Variants in ADORA1 observed in about 807,000 individuals in gnomAD.
The protein encoded by ADORA1 is adenosine A1 receptor.
In ADORA1, 6 loss-of-function variants were observed where a neutral mutation model predicts 19.9. That is an observed-to-expected ratio of 0.30 (90% CI 0.17 to 0.59). ADORA1 has a LOEUF of 0.59. Ranked by LOEUF, ADORA1 falls within the 20% of genes least tolerant of loss-of-function variation. ADORA1 has a pLI of 0.87. For missense variants in ADORA1, 302 were observed against 439.2 expected (o/e 0.69, Z 2.79); for synonymous variants, 194 against 188.4 (o/e 1.03, Z -0.24).
intron 3 of ADORA1, among the ~76,000 whole-genome samples, chr1:203,130,673 C>T (rs1398565022): frequency 1.3e-5 from 2 of 152,228 alleles, no homozygotes; most frequent in Non-Finnish European, 2.9e-5. Flanking sequence ...GAAGTGTTGC[C>T]ACATTTGGAA....
At chr1:203,133,168 C>T (rs1406729714) in intron 3 of ADORA1, among the ~76,000 whole-genome samples, 1 of 149,570 alleles carries the variant, frequency 6.7e-6, no homozygotes, top group African/African-American at 2.5e-5. Context: ...GGCTGGAGTG[C>T]AGTGGCACAA....
At position 203,128,962 on chromosome 1, in the gene ADORA1, CG is replaced by C; in HGVS notation, c.124del (p.Asp42MetfsTer78). Reference sequence around the variant, plus strand: ...GGCGGTGAAGGTGAACCAGGCGCTGCGGGATGCCACCTTCTGCTTCATCGTG... The same window carrying C: ...GGCGGTGAAGGTGAACCAGGCGCTGCGGATGCCACCTTCTGCTTCATCGTG... ...IWAVKVNQALRDATFCFIVSL... is the reference protein window; with the variant it reads ...IWAVKVNQALXDATFCFIVSL... On this transcript the variant is annotated frameshift_variant, in exon 3 of 4. Transcript: ENST00000337894. LOFTEE classifies it high-confidence loss of function. The surrounding 1 kb of genome is among the most constrained non-coding windows in gnomAD (Gnocchi z 5.9). The C allele has an allele frequency of 6.2e-7, 1 of 1,614,156 alleles. No individual in the cohort carries two copies. The highest frequency in any genetic ancestry group is 1.1e-5 in the South Asian group (1 of 91,088).
chr1:203,157,038 C>T (rs1655218466), intron 3 of ADORA1, among the ~76,000 whole-genome samples: 1 of 152,238 alleles, frequency 6.6e-6, no homozygotes, highest in Non-Finnish European at 1.5e-5. Flanking sequence ...TGGCATTCTG[C>T]CCTGGCCTTC....
chr1:203,135,908 A>G (rs1421542811), intron 3 of ADORA1, among the ~76,000 whole-genome samples: 1 of 151,984 alleles, frequency 6.6e-6, no homozygotes, highest in East Asian at 1.9e-4. Context: ...TCTTTAGCCC[A>G]CTTCCCCTTC....
At chr1:203,153,317 G>A (rs1181369060) in intron 3 of ADORA1, among the ~76,000 whole-genome samples, 1 of 152,168 alleles carries the variant, frequency 6.6e-6, no homozygotes, top group Non-Finnish European at 1.5e-5. Flanking sequence ...TTCTGCTCAC[G>A]TCCAGCGCTC....
chr1:203,144,428 T>C (rs535567506), intron 3 of ADORA1, among the ~76,000 whole-genome samples: 33 of 152,344 alleles, frequency 2.2e-4, no homozygotes, highest in Non-Finnish European at 4.0e-4. Context: ...CTAAATACTT[T>C]ATGTGGATTA....
intron 3 of ADORA1, among the ~76,000 whole-genome samples, chr1:203,164,488 A>G (rs1655469591): frequency 1.3e-5 from 2 of 152,222 alleles, no homozygotes; most frequent in African/African-American, 4.8e-5. Context: ...TGCTCAGTGA[A>G]TATCAGTTTT....
intron 3 of ADORA1, among the ~76,000 whole-genome samples, chr1:203,131,138 G>T (rs1195339798): frequency 2.0e-5 from 3 of 152,210 alleles, no homozygotes; most frequent in Non-Finnish European, 2.9e-5. Flanking sequence ...GCCATAGGGA[G>T]GTCTTATTTG....
intron 3 of ADORA1, chr1:203,150,599 G>C (rs1165213382): frequency 3.9e-6 from 5 of 1,284,850 alleles, no homozygotes; most frequent in Non-Finnish European, 5.1e-6. Flanking sequence ...AGAAAGGCCA[G>C]GATCGGGGAG....
chr1:203,129,432 C>A (rs1654263626), intron 3 of ADORA1, among the ~76,000 whole-genome samples: 1 of 152,192 alleles, frequency 6.6e-6, no homozygotes. Context: ...GAAGCTCTTG[C>A]AGCCAGGGAA....
intron 3 of ADORA1, chr1:203,150,035 T>C (rs1458384592): frequency 1.3e-5 from 2 of 152,384 alleles, no homozygotes; most frequent in African/African-American, 4.8e-5. Flanking sequence ...GCCCTTCAGG[T>C]ACTTGCAGTT....
At chr1:203,134,045 T>G (rs1445317949) in intron 3 of ADORA1, among the ~76,000 whole-genome samples, 1 of 149,356 alleles carries the variant, frequency 6.7e-6, no homozygotes, top group African/African-American at 2.5e-5. Flanking sequence ...ATCCTGTATC[T>G]AAGGATGGAT....
At chr1:203,131,236 C>T (rs1172968599) in intron 3 of ADORA1, among the ~76,000 whole-genome samples, 2 of 152,142 alleles carry the variant, frequency 1.3e-5, no homozygotes, top group Admixed American at 6.5e-5. Context: ...AGGTGTCATT[C>T]GGTGTCAACA....
At chr1:203,151,033 C>A (rs1655015218) in intron 3 of ADORA1, among the ~76,000 whole-genome samples, 1 of 152,222 alleles carries the variant, frequency 6.6e-6, no homozygotes, top group Non-Finnish European at 1.5e-5. Flanking sequence ...TTGGGCTGAT[C>A]TCGAGTCTGC....
In ADORA1 at chr1:203,166,286, C is replaced by T; in HGVS notation, c.*386C>T. The T allele has an allele frequency of 5.5e-6, 1 of 182,672 alleles. No homozygotes were observed. 11.3% of individuals were successfully genotyped at this position (182,672 alleles called of 1,614,324 possible). A position where few individuals can be genotyped will look rare whatever the true frequency, so the allele number is the denominator to read the frequency against. On this transcript the variant is annotated 3_prime_UTR_variant, in exon 4 of 4. Coordinates refer to ENST00000337894, the MANE Select transcript of ADORA1 (RefSeq NM_000674.3). ...AGGTGCTTGGGCTTCTGCGGTGAGG[C>T]AGGGGAGTCTGCTTGTCTTAGATGT...
intron 3 of ADORA1, among the ~76,000 whole-genome samples, chr1:203,145,321 C>T (rs1654825267): frequency 6.6e-6 from 1 of 152,228 alleles, no homozygotes; most frequent in South Asian, 2.1e-4. Flanking sequence ...AGACTTGGGG[C>T]TGGGAAACAG....
intron 3 of ADORA1, among the ~76,000 whole-genome samples, chr1:203,158,805 T>C (rs941048995): frequency 6.6e-6 from 1 of 152,206 alleles, no homozygotes; most frequent in Non-Finnish European, 1.5e-5. Context: ...AGGGCCTTTT[T>C]TTCTGGCTCA....
At chr1:203,130,338 AG>A (rs1398359428) in intron 3 of ADORA1, among the ~76,000 whole-genome samples, 1 of 152,226 alleles carries the variant, frequency 6.6e-6, no homozygotes, top group Non-Finnish European at 1.5e-5. Flanking sequence ...AGGGAGGTGG[AG>A]CAGGAGCTTT....
chr1:203,136,071 G>A (rs1286021007), intron 3 of ADORA1, among the ~76,000 whole-genome samples: 1 of 152,152 alleles, frequency 6.6e-6, no homozygotes, highest in Non-Finnish European at 1.5e-5. Flanking sequence ...CATTCGGCAG[G>A]TGGGGACAGA....
Sources: allele counts gnomAD v4.1 joint callset (sites outside exome capture counted in the v4.1 genomes callset), GRCh38; gene constraint gnomAD v4.1.1; non-coding constraint Gnocchi (gnomAD v3.1); transcripts MANE v1.5; gene names NCBI Gene and HGNC (gene_info 2026-07-23, HGNC 2026-07-21).